The following MCC variants were observed in gnomAD, a reference collection of about 807,000 sequenced individuals.
The protein encoded by MCC is MCC regulator of Wnt signaling pathway, also known as colorectal mutant cancer protein.
In MCC, 90 loss-of-function variants were observed where a neutral mutation model predicts 116.2. That is an observed-to-expected ratio of 0.77 (90% CI 0.65 to 0.92). The LOEUF is 0.92. MCC is among the 40% of genes least tolerant of loss of function. MCC has a pLI of 0.00. For synonymous variants in MCC, 578 were observed against 510.5 expected, an observed-to-expected ratio of 1.13 and a Z score of -1.78; for missense variants, 1,516 against 1,312.2, an observed-to-expected ratio of 1.16 and a Z score of -2.40.
chr5:113,083,513 G>A (rs1013495653), intron 10 of MCC, among the ~76,000 whole-genome samples: 10 of 152,286 alleles, frequency 6.6e-5, no homozygotes, highest in African/African-American at 2.2e-4. Flanking sequence ...TGCCTCTGAG[G>A]ATCAAATAGC....
At chr5:113,387,170 A>G (rs115714178) in intron 1 of MCC, among the ~76,000 whole-genome samples, 3,639 of 152,232 alleles carry the variant, frequency 0.024, 56 homozygotes, top group Middle Eastern at 0.044. Context: ...AGCCACCCCA[A>G]TCTATCTGAA....
intron 2 of MCC, among the ~76,000 whole-genome samples, chr5:113,376,574 T>TATATACACACACACACAC (rs10633405): frequency 6.9e-6 from 1 of 145,774 alleles, no homozygotes; most frequent in African/African-American, 2.6e-5. Flanking sequence ...CCATATTTTA[T>TATATACACACACACACAC]ACACACACAC....
intron 3 of MCC, among the ~76,000 whole-genome samples, chr5:113,255,565 C>T (rs1279408055): frequency 2.0e-5 from 3 of 152,188 alleles, no homozygotes; most frequent in Admixed American, 6.5e-5. Context: ...TTTCTGTCAT[C>T]TGCAAGTGAG....
intron 5 of MCC, among the ~76,000 whole-genome samples, chr5:113,135,054 G>A (rs1758727835): frequency 6.7e-6 from 1 of 149,962 alleles, no homozygotes; most frequent in African/African-American, 2.4e-5. Context: ...CAATTCTCCT[G>A]CCTCAGCCTC....
chr5:113,046,683 GGCA>G (rs1752095159), intron 16 of MCC, among the ~76,000 whole-genome samples: 1 of 17,326 alleles, frequency 5.8e-5, no homozygotes, highest in African/African-American at 2.7e-4. Context: ...AAACTCAAAA[GGCA>G]AAAAAAAAAA....
At chr5:113,063,934 A>C in intron 14 of MCC, 50 bp downstream of exon 14, 1 of 1,556,384 alleles carries the variant, frequency 6.4e-7, no homozygotes, top group Non-Finnish European at 8.7e-7. Flanking sequence ...TCCAGTGAAC[A>C]GATGCCATGT....
chr5:113,069,876 G>A (rs1157637255), intron 12 of MCC, among the ~76,000 whole-genome samples: 10 of 152,184 alleles, frequency 6.6e-5, no homozygotes, highest in African/African-American at 1.4e-4. Flanking sequence ...GTGAGCCACC[G>A]CGCCCAGCGT....
chr5:113,202,464 T>A (rs568976512), intron 3 of MCC, among the ~76,000 whole-genome samples: 2 of 152,340 alleles, frequency 1.3e-5, no homozygotes, highest in African/African-American at 4.8e-5. Flanking sequence ...GCCAGCTGCC[T>A]ATCTGTTTCG....
chr5:113,430,718 G>A (rs1420191500), intron 1 of MCC, among the ~76,000 whole-genome samples: 1 of 152,180 alleles, frequency 6.6e-6, no homozygotes, highest in Non-Finnish European at 1.5e-5. Context: ...TCTGGGGTCT[G>A]GTTGAATGTG....
intron 5 of MCC, among the ~76,000 whole-genome samples, chr5:113,140,956 G>T (rs375299079): frequency 6.6e-6 from 1 of 152,218 alleles, no homozygotes; most frequent in African/African-American, 2.4e-5. Flanking sequence ...TGAGAGAAAT[G>T]TTAAAGCGTT....
chr5:113,313,340 T>C (rs1056227535), intron 3 of MCC, among the ~76,000 whole-genome samples: 1 of 152,002 alleles, frequency 6.6e-6, no homozygotes, highest in African/African-American at 2.4e-5. Context: ...CAAAACTCCG[T>C]CTCAAAAACA....
At chr5:113,068,021 G>T in intron 13 of MCC, 59 bp downstream of exon 13, 10 of 1,432,182 alleles carry the variant, frequency 7.0e-6, no homozygotes, top group Non-Finnish European at 9.9e-6. Context: ...CTGAGACAGG[G>T]GCAGAAGCAA....
At chr5:113,075,390 C>A (rs1754366245) in intron 11 of MCC, among the ~76,000 whole-genome samples, 1 of 152,220 alleles carries the variant, frequency 6.6e-6, no homozygotes, top group African/African-American at 2.4e-5. Context: ...GGTGCCCAGT[C>A]CCATCGACCG....
chr5:113,027,107 C>T lies in MCC; in HGVS notation c.*195G>A. 1 of 598,504 alleles carries T rather than the reference C, an allele frequency of 1.7e-6. No individual in the cohort carries two copies. The highest frequency in any genetic ancestry group is 2.9e-6 in the Non-Finnish European group (1 of 339,956). 37.1% of individuals were successfully genotyped at this position (598,504 alleles called of 1,614,324 possible). A position where few individuals can be genotyped will look rare whatever the true frequency, so the allele number is the denominator to read the frequency against. On this transcript the variant is annotated 3_prime_UTR_variant, in exon 19 of 19. Transcript: ENST00000408903. The stretch of plus-strand genomic sequence containing the variant: ...GGGCCCAGGAGGGAAGAGCGGGCAC[C>T]TCTGGATACAGTCCACAATGTCACC...
At position 113,488,401 on chromosome 5, in the gene MCC, G is replaced by A; in HGVS notation, c.14C>T (p.Ala5Val). Residue 5 changes from alanine (A) to valine (V), a missense_variant, in exon 1 of 19, where the codon GCG (alanine) becomes GTG (valine). By Grantham distance (64) the Ala-to-Val change is moderately conservative. Transcript: ENST00000408903. Reference sequence around the variant, plus strand: ...GGAGCTCCCCGCAGCCGCTGCCGCCGCGGCCGCCATCATGCGCCCGCTCCC... The same window carrying A: ...GGAGCTCCCCGCAGCCGCTGCCGCCACGGCCGCCATCATGCGCCCGCTCCC... Reference protein sequence around the residue: MMAAAAAAAAGSSSS... With the variant: MMAAVAAAAAGSSSS... 1 of 1,397,450 alleles carries A rather than the reference G, an allele frequency of 7.2e-7. No homozygotes were observed. Among genetic ancestry groups the A allele is most frequent in the Non-Finnish European group, 9.2e-7 (1 of 1,087,494 alleles). 86.6% of individuals were successfully genotyped at this position (1,397,450 alleles called of 1,614,324 possible). A position where few individuals can be genotyped will look rare whatever the true frequency, so the allele number is the denominator to read the frequency against.
chr5:113,171,547 G>T (rs2150303758), intron 3 of MCC, among the ~76,000 whole-genome samples: 1 of 152,124 alleles, frequency 6.6e-6, no homozygotes, highest in East Asian at 1.9e-4. Context: ...TAGAGACAGG[G>T]TTTCACCATG....
intron 1 of MCC, among the ~76,000 whole-genome samples, chr5:113,453,148 G>T (rs773358655): frequency 6.6e-6 from 1 of 152,108 alleles, no homozygotes; most frequent in East Asian, 1.9e-4. Context: ...CAGCGTGAAC[G>T]CATGTTCGGT....
rs141679514 is a variant in MCC at position 113,080,535 on chromosome 5, C to G, written c.1784+2325G>C. Among the ~76,000 whole-genome samples the G allele has an allele frequency of 3.8e-3, 582 of 152,248 alleles. 6 individuals are homozygous for G. The highest frequency in any genetic ancestry group is 0.013 in the African/African-American group (555 of 41,530). On this transcript the variant is annotated intron_variant, in intron 11 of 18. Transcript: ENST00000408903. ...GGATGAAGCTGGAAACCATCATTCT[C>G]AGCAAACTATCACAAGGACAGAAAA...
chr5:113,330,685 A>C (rs757111876), intron 3 of MCC, among the ~76,000 whole-genome samples: 2 of 152,222 alleles, frequency 1.3e-5, no homozygotes, highest in African/African-American at 4.8e-5. Flanking sequence ...CACAAAAGGA[A>C]AGGCAAAGAA....
Sources: gnomAD v4.1 joint callset for allele counts (sites outside exome capture counted in the v4.1 genomes callset) on GRCh38, gnomAD v4.1.1 for gene constraint, MANE v1.5 for transcripts, NCBI Gene and HGNC (gene_info 2026-07-23, HGNC 2026-07-21) for gene names.